ENTREP2: variants seen among roughly 807,000 people sequenced by gnomAD.
The protein encoded by ENTREP2 is protein ENTREP2.
the ENTREP2 span, among the ~76,000 whole-genome samples, chr15:29,649,225 G>T: frequency 6.6e-6 from 1 of 152,182 alleles, no homozygotes; most frequent in South Asian, 2.1e-4. Flanking sequence ...CTCAAAAGAG[G>T]CATACAATTA....
chr15:29,333,798 A>G, the ENTREP2 span, among the ~76,000 whole-genome samples: 2 of 151,954 alleles, frequency 1.3e-5, no homozygotes, highest in East Asian at 1.9e-4. Context: ...TGCAGATGCT[A>G]TTGACTAAGA....
At chr15:29,627,156 G>A in the ENTREP2 span, among the ~76,000 whole-genome samples, 3 of 151,990 alleles carry the variant, frequency 2.0e-5, no homozygotes, top group African/African-American at 7.3e-5. Flanking sequence ...GATGTGATGT[G>A]TTTTCGTTTC....
the ENTREP2 span, among the ~76,000 whole-genome samples, chr15:29,423,801 A>G: frequency 6.6e-6 from 1 of 152,120 alleles, no homozygotes; most frequent in African/African-American, 2.4e-5. Flanking sequence ...GTCTCAAAAA[A>G]AAAATTTGAT....
At chr15:29,378,402 C>T in the ENTREP2 span, among the ~76,000 whole-genome samples, 1 of 152,166 alleles carries the variant, frequency 6.6e-6, no homozygotes, top group East Asian at 1.9e-4. Flanking sequence ...CCTTAGTCAA[C>T]TCGGCTAGAC....
chr15:29,123,602 C>T, the ENTREP2 span: 3 of 1,551,664 alleles, frequency 1.9e-6, no homozygotes, highest in Non-Finnish European at 1.7e-6. Context: ...TCTGGGTCCC[C>T]CGCTGGTGAA....
chr15:29,154,310 A>T, the ENTREP2 span, among the ~76,000 whole-genome samples: 1 of 152,018 alleles, frequency 6.6e-6, no homozygotes, highest in Non-Finnish European at 1.5e-5. Flanking sequence ...AACCTTGAGC[A>T]TTATAAATAA....
chr15:29,305,229 T>A, the ENTREP2 span, among the ~76,000 whole-genome samples: 1 of 152,242 alleles, frequency 6.6e-6, no homozygotes, highest in Non-Finnish European at 1.5e-5. Flanking sequence ...CTGCCAGAAT[T>A]TCTGGTTCCA....
chr15:29,124,078 A>G, the ENTREP2 span, among the ~76,000 whole-genome samples: 1 of 148,704 alleles, frequency 6.7e-6, no homozygotes, highest in African/African-American at 2.6e-5. Flanking sequence ...CAGAGGGAAC[A>G]TGAGACCGCC....
the ENTREP2 span, among the ~76,000 whole-genome samples, chr15:29,540,688 C>T: frequency 6.6e-6 from 1 of 152,228 alleles, no homozygotes; most frequent in African/African-American, 2.4e-5. Context: ...CATAATTGAT[C>T]ATGTAACTGA....
the ENTREP2 span, among the ~76,000 whole-genome samples, chr15:29,326,187 C>CTT: frequency 6.6e-6 from 1 of 152,138 alleles, no homozygotes; most frequent in Non-Finnish European, 1.5e-5. Flanking sequence ...TATCCTCTCT[C>CTT]ACTACTTCTG....
At chr15:29,596,656 C>T in the ENTREP2 span, among the ~76,000 whole-genome samples, 1 of 151,954 alleles carries the variant, frequency 6.6e-6, no homozygotes, top group Non-Finnish European at 1.5e-5. Context: ...TCCCCAACAT[C>T]CTAATTATTT....
chr15:29,276,996 G>A, the ENTREP2 span, among the ~76,000 whole-genome samples: 1 of 152,184 alleles, frequency 6.6e-6, no homozygotes, highest in East Asian at 1.9e-4. Context: ...TTTAGTTGGT[G>A]GCAACAGGGG....
At chr15:29,294,957 G>A in the ENTREP2 span, among the ~76,000 whole-genome samples, 41 of 152,196 alleles carry the variant, frequency 2.7e-4, no homozygotes, top group Non-Finnish European at 4.9e-4. Flanking sequence ...CTGCTGTAGG[G>A]AGAAGGCTGT....
At chr15:29,410,155 T>C in the ENTREP2 span, among the ~76,000 whole-genome samples, 2 of 152,086 alleles carry the variant, frequency 1.3e-5, no homozygotes, top group East Asian at 3.9e-4. Context: ...GAAAATAAGG[T>C]CCCCTACCTA....
the ENTREP2 span, among the ~76,000 whole-genome samples, chr15:29,566,341 T>C: frequency 4.7e-4 from 71 of 152,016 alleles, 1 homozygote; most frequent in African/African-American, 1.5e-3. Context: ...TGTATTGTTT[T>C]TTTTAGTAGA....
the ENTREP2 span, among the ~76,000 whole-genome samples, chr15:29,339,508 T>C: frequency 6.6e-6 from 1 of 152,216 alleles, no homozygotes. Flanking sequence ...AGAAAATTCG[T>C]GCGCTGTAAC....
At chr15:29,638,943 T>G in the ENTREP2 span, among the ~76,000 whole-genome samples, 24 of 152,252 alleles carry the variant, frequency 1.6e-4, no homozygotes, top group Non-Finnish European at 1.5e-5. Context: ...TGCTGCTTTT[T>G]GTGGTGAGTC....
the ENTREP2 span, chr15:29,252,260 A>G: frequency 5.1e-6 from 3 of 585,242 alleles, no homozygotes; most frequent in East Asian, 9.0e-5. Flanking sequence ...GAATGAATTG[A>G]AAGTGTACAT....
At chr15:29,511,177 C>A in the ENTREP2 span, among the ~76,000 whole-genome samples, 2 of 151,978 alleles carry the variant, frequency 1.3e-5, no homozygotes, top group African/African-American at 4.8e-5. Context: ...TATCCCAGAA[C>A]TTAGAGTATA....
Sources: allele counts gnomAD v4.1 joint callset (sites outside exome capture counted in the v4.1 genomes callset), GRCh38; gene constraint gnomAD v4.1.1; transcripts MANE v1.5; gene names NCBI Gene and HGNC (gene_info 2026-07-23, HGNC 2026-07-21).